The following EPHB2 variants were observed in gnomAD, a reference collection of about 807,000 sequenced individuals.
The protein encoded by EPHB2 is EPH receptor B2.
Under a neutral mutation model 96.4 loss-of-function variants are expected in EPHB2, and 18 were observed. The observed-to-expected ratio is 0.19, with a 90% confidence interval of 0.13 to 0.28. EPHB2 has a LOEUF of 0.28. Among genes scored for constraint, EPHB2 ranks in the 10% least tolerant of loss-of-function variants. The pLI is 1.00. For missense variants in EPHB2, 989 were observed against 1,355.4 expected (o/e 0.73, Z 4.25); for synonymous variants, 506 against 534.1 (o/e 0.95, Z 0.72).
chr1:22,745,557 A>G (rs2148371781), intron 1 of EPHB2, among the ~76,000 whole-genome samples: 1 of 152,304 alleles, frequency 6.6e-6, no homozygotes, highest in Non-Finnish European at 1.5e-5. Flanking sequence ...GCTTTACTGT[A>G]TATGAGCTAT....
In EPHB2 at chr1:22,858,052, G is replaced by A. The variant is rs1645727745; in HGVS notation, c.812-4985G>A. Among the ~76,000 whole-genome samples, 1 of 152,158 alleles carries A rather than the reference G, an allele frequency of 6.6e-6. No individual in the cohort carries two copies. Among genetic ancestry groups the A allele is most frequent in the South Asian group, 2.1e-4 (1 of 4,816 alleles). ...AGCAAGAGACAATTGCTTTAGCCAG[G>A]GTGGTCAGGGTGGGCCTCTCGGAGG... On this transcript the variant is annotated intron_variant, in intron 3 of 15. Coordinates refer to ENST00000374630, the MANE Select transcript of EPHB2 (RefSeq NM_017449.5). This position sits in a 1 kb window ranked among gnomAD's most constrained non-coding sequence, Gnocchi z 7.7.
chr1:22,784,912 G>C lies in EPHB2; in HGVS notation c.647G>C (p.Ser216Thr). 1 of 1,614,014 alleles carries C rather than the reference G, an allele frequency of 6.2e-7. No homozygotes were observed. The highest frequency in any genetic ancestry group is 8.5e-7 in the Non-Finnish European group (1 of 1,180,048). The change falls in exon 3 of 16, where the codon AGC (serine) becomes ACC (threonine). Residue 216 changes from serine to threonine, a missense_variant. By Grantham distance (58) the Ser-to-Thr change is moderately conservative. Transcript: ENST00000374630. The surrounding 1 kb of genome is among the most constrained non-coding windows in gnomAD (Gnocchi z 5.1). ...IFQETLSGAE[S>T]TSLVAARGSC... The stretch of plus-strand genomic sequence containing the variant: ...CAGGAAACCCTGTCGGGGGCTGAGA[G>C]CACATCGCTGGTGGCTGCCCGGGGC...
intron 3 of EPHB2, among the ~76,000 whole-genome samples, chr1:22,826,484 C>T (rs1216739737): frequency 6.6e-6 from 1 of 152,178 alleles, no homozygotes; most frequent in African/African-American, 2.4e-5. Flanking sequence ...TGGTTTTGAC[C>T]AGTTCTAAAG....
intron 5 of EPHB2, among the ~76,000 whole-genome samples, chr1:22,881,604 C>T (rs1639046335): frequency 6.8e-6 from 1 of 147,578 alleles, no homozygotes; most frequent in African/African-American, 2.7e-5. Context: ...TTCTTCTCCC[C>T]ACTCTTTGCG....
At chr1:22,897,977 T>C (rs978368587) in intron 9 of EPHB2, among the ~76,000 whole-genome samples, 2 of 151,320 alleles carry the variant, frequency 1.3e-5, no homozygotes, top group Non-Finnish European at 2.9e-5. Context: ...GTCATGTACG[T>C]CTGTAGTTCC....
At chr1:22,833,322 A>G (rs1345841938) in intron 3 of EPHB2, among the ~76,000 whole-genome samples, 1 of 151,968 alleles carries the variant, frequency 6.6e-6, no homozygotes, top group Non-Finnish European at 1.5e-5. Context: ...GTTTCACCAT[A>G]TTGGCCAGGC....
chr1:22,852,842 G>T (rs368645540), intron 3 of EPHB2, among the ~76,000 whole-genome samples: 2 of 152,244 alleles, frequency 1.3e-5, no homozygotes, highest in African/African-American at 4.8e-5. Flanking sequence ...CAGGCAGTCA[G>T]CAGGGCAGGT....
chr1:22,759,910 T>C (rs1644211526), intron 1 of EPHB2, among the ~76,000 whole-genome samples: 1 of 152,066 alleles, frequency 6.6e-6, no homozygotes. Context: ...TGCATGTGTG[T>C]CAGGGGAGGC....
chr1:22,770,564 G>A (rs1171604819), intron 1 of EPHB2, among the ~76,000 whole-genome samples: 4 of 152,170 alleles, frequency 2.6e-5, no homozygotes, highest in Admixed American at 6.5e-5. Flanking sequence ...AGAGGGATTT[G>A]AGGTGACTTA....
At chr1:22,829,290 A>AC (rs749060262) in intron 3 of EPHB2, among the ~76,000 whole-genome samples, 4 of 151,968 alleles carry the variant, frequency 2.6e-5, no homozygotes, top group Non-Finnish European at 5.9e-5. Flanking sequence ...GCCCCTCCCC[A>AC]CCCCTAGCAC....
At chr1:22,807,020 G>A (rs528424578) in intron 3 of EPHB2, among the ~76,000 whole-genome samples, 4 of 152,290 alleles carry the variant, frequency 2.6e-5, no homozygotes, top group Non-Finnish European at 4.4e-5. Context: ...CCAGCTAGGC[G>A]GGGGAGCAGG....
At chr1:22,889,758 G>GT (rs1639335165) in intron 6 of EPHB2, among the ~76,000 whole-genome samples, 1 of 152,184 alleles carries the variant, frequency 6.6e-6, no homozygotes, top group Non-Finnish European at 1.5e-5. Context: ...AGGGGCAACA[G>GT]TGCTTGCAAA....
rs780062584 is a variant in EPHB2 at position 22,906,034 on chromosome 1, C to G, written c.1813C>G (p.Pro605Ala). ...CATCGATCCTTTCACCTACGAGGAC[C>G]CCAACGAGGCAGTGCGGGAGTTTGC... ...IYIDPFTYED[P>A]NEAVREFAKE... Residue 605 changes from proline (P) to alanine (A), a missense_variant, in exon 10 of 16, where the codon CCC becomes GCC. Coordinates refer to ENST00000374630, the MANE Select transcript of EPHB2 (RefSeq NM_017449.5). This position sits in a 1 kb window ranked among gnomAD's most constrained non-coding sequence, Gnocchi z 4.8. 10 of 1,614,078 alleles carry G rather than the reference C, an allele frequency of 6.2e-6. No homozygotes were observed. The African/African-American group carries it at 1.3e-4, about 22-fold the overall frequency.
At chr1:22,794,951 T>G (rs1644746117) in intron 3 of EPHB2, among the ~76,000 whole-genome samples, 1 of 152,246 alleles carries the variant, frequency 6.6e-6, no homozygotes, top group Non-Finnish European at 1.5e-5. Context: ...TTTAACAGTT[T>G]AAGCCTTTCT....
chr1:22,802,175 G>A (rs1318017561), intron 3 of EPHB2, among the ~76,000 whole-genome samples: 2 of 152,142 alleles, frequency 1.3e-5, no homozygotes, highest in Non-Finnish European at 2.9e-5. Flanking sequence ...GGGCTAGGGG[G>A]CAGACTAGCC....
chr1:22,784,421 C>T lies in EPHB2; in HGVS notation c.156C>T (p.Asn52=), dbSNP rs768804521. The T allele has an allele frequency of 5.6e-6, 9 of 1,614,196 alleles. No individual in the cohort carries two copies. Among genetic ancestry groups the T allele is most frequent in the Middle Eastern group, 3.3e-4 (2 of 6,060 alleles). The change falls in exon 3 of 16, where the codon AAC becomes AAT. Residue 52 remains asparagine (N), a synonymous_variant. Transcript: ENST00000374630. The surrounding 1 kb of genome is among the most constrained non-coding windows in gnomAD (Gnocchi z 5.1). ...GWEEVSGYDE[N]MNTIRTYQVC... ...AAGAGGTGAGTGGCTACGATGAGAA[C>T]ATGAACACGATCCGCACGTACCAGG...
At chr1:22,869,583 A>T (rs1638591266) in intron 5 of EPHB2, among the ~76,000 whole-genome samples, 1 of 152,084 alleles carries the variant, frequency 6.6e-6, no homozygotes. Flanking sequence ...AGATGGAATC[A>T]TACAGGAAGG....
rs933915030 is a variant in EPHB2 at position 22,758,954 on chromosome 1, T to TGATGGATGGATG, written c.62-22451_62-22440dup. 4.7e-5 allele frequency among the ~76,000 whole-genome samples: 7 copies of TGATGGATGGATG among 149,948 alleles called. No individual in the cohort carries two copies. The East Asian group carries it at 9.9e-4, about 21-fold the overall frequency. On this transcript the variant is annotated intron_variant, in intron 1 of 15. Coordinates refer to ENST00000374630, the MANE Select transcript of EPHB2 (RefSeq NM_017449.5). ...GTGGGTGGATGAATGGATGGATGGA[T>TGATGGATGGATG]GATGGATGGATGGATGGATGGATGG...
chr1:22,808,207 A>C (rs953360121), intron 3 of EPHB2, among the ~76,000 whole-genome samples: 1 of 152,140 alleles, frequency 6.6e-6, no homozygotes, highest in Non-Finnish European at 1.5e-5. Flanking sequence ...GAGGGGTATC[A>C]CTGGGCCCAT....
Sources: gnomAD v4.1 joint callset for allele counts (sites outside exome capture counted in the v4.1 genomes callset) on GRCh38, gnomAD v4.1.1 for gene constraint, Gnocchi (gnomAD v3.1) non-coding constraint, MANE v1.5 for transcripts, NCBI Gene and HGNC (gene_info 2026-07-23, HGNC 2026-07-21) for gene names.